RBFOX1: variants seen among roughly 807,000 people sequenced by gnomAD.
RBFOX1 encodes the protein RNA binding fox-1 homolog 1.
RBFOX1 carries 8 observed loss-of-function variants against 57.7 expected under a neutral mutation model. The ratio of observed to expected loss-of-function variants is 0.14; its 90% CI spans 0.08 to 0.25. RBFOX1 has a LOEUF of 0.25. Among genes scored for constraint, RBFOX1 ranks in the 10% least tolerant of loss-of-function variants. The probability of loss-of-function intolerance (pLI) is 1.00; values close to 1 mark genes in which losing one functional copy is unlikely to be tolerated. For missense variants in RBFOX1, 611 were observed against 548.5 expected, an observed-to-expected ratio of 1.11 and a Z score of -1.14; for synonymous variants, 326 against 222.4, an observed-to-expected ratio of 1.47 and a Z score of -4.15.
intron 2 of RBFOX1, among the ~76,000 whole-genome samples, chr16:6,511,678 G>A (rs1370724988): frequency 6.6e-6 from 1 of 152,154 alleles, no homozygotes; most frequent in Non-Finnish European, 1.5e-5. Context: ...GAAACCTTTT[G>A]CTTTATTAAA....
At chr16:5,988,940 C>G (rs181813026) in intron 4 of RBFOX1, among the ~76,000 whole-genome samples, 22 of 152,222 alleles carry the variant, frequency 1.4e-4, no homozygotes, top group Admixed American at 1.4e-3. Flanking sequence ...CAAACCCTCC[C>G]TCTGTCCTGC....
chr16:6,212,094 G>T (rs2097302278), intron 1 of RBFOX1, among the ~76,000 whole-genome samples: 1 of 152,078 alleles, frequency 6.6e-6, no homozygotes, highest in South Asian at 2.1e-4. Context: ...TTGGCCTCAA[G>T]TGATCTGCCA....
chr16:7,245,619 A>T (rs868230929), intron 4 of RBFOX1, among the ~76,000 whole-genome samples: 11 of 152,216 alleles, frequency 7.2e-5, no homozygotes, highest in African/African-American at 2.7e-4. Context: ...ACTTTTGGAG[A>T]GCTAGAGAAA....
chr16:6,676,673 C>CTTTTTTTTTTTTTTTTTTTTTTTTTTTTT (rs756578276), intron 3 of RBFOX1, among the ~76,000 whole-genome samples: 3 of 103,550 alleles, frequency 2.9e-5, no homozygotes, highest in Non-Finnish European at 3.8e-5. Flanking sequence ...TTTTTCTTTT[C>CTTTTTTTTTTTTTTTTTTTTTTTTTTTTT]TTTTTTTTTT....
rs116060375 is a variant in RBFOX1, at chr16:6,226,161, A to C, written c.-126-90834A>C. Among the ~76,000 whole-genome samples, 1,118 of 148,778 alleles carry C rather than the reference A, an allele frequency of 7.5e-3. 13 individuals carry two copies. Among genetic ancestry groups the C allele is most frequent in the African/African-American group, 0.026 (1,063 of 40,216 alleles). On this transcript the variant is annotated intron_variant, in intron 1 of 15. Coordinates refer to ENST00000550418, the MANE Select transcript of RBFOX1 (RefSeq NM_018723.4). ...GATCACCTGAGGTCAGGAATTCGAG[A>C]CCAGCCTGCAACATGGTGAAACCCA...
intron 2 of RBFOX1, among the ~76,000 whole-genome samples, chr16:6,576,087 C>G (rs1246912147): frequency 1.3e-5 from 2 of 152,072 alleles, no homozygotes; most frequent in South Asian, 2.1e-4. Flanking sequence ...CACCTTCATA[C>G]CGCATTGTTT....
chr16:5,568,473 A>C lies in RBFOX1; in HGVS notation c.259-30429A>C, dbSNP rs181092264. Reference sequence around the variant, plus strand: ...CTTTCCTGTATTTTTTGGTAATTTCACCATCAGTGTTCGTCAAGATGGAGC... The same window carrying C: ...CTTTCCTGTATTTTTTGGTAATTTCCCCATCAGTGTTCGTCAAGATGGAGC... On this transcript the variant is annotated intron_variant, in intron 2 of 2. Coordinates refer to the RBFOX1 transcript ENST00000585867. Among the ~76,000 whole-genome samples, 15 of 151,962 alleles carry C rather than the reference A, an allele frequency of 9.9e-5. No individual in the cohort carries two copies. In the East Asian group the frequency reaches 2.3e-3, roughly 24 times the overall value.
At chr16:6,712,007 C>A (rs776102688) in intron 3 of RBFOX1, among the ~76,000 whole-genome samples, 6 of 152,128 alleles carry the variant, frequency 3.9e-5, no homozygotes, top group Non-Finnish European at 5.9e-5. Flanking sequence ...TTTGTTATCT[C>A]GCTCTCTTTC....
At chr16:5,399,744 AAAT>A (rs199690646) in intron 1 of RBFOX1, among the ~76,000 whole-genome samples, 7,801 of 151,840 alleles carry the variant, frequency 0.051, 279 homozygotes, top group East Asian at 0.11. Flanking sequence ...AAAAAAAAAA[AAAT>A]TTTTTTTTTT....
At chr16:5,890,028 C>T (rs944822616) in intron 4 of RBFOX1, among the ~76,000 whole-genome samples, 1 of 152,160 alleles carries the variant, frequency 6.6e-6, no homozygotes, top group African/African-American at 2.4e-5. Flanking sequence ...GGACATGACA[C>T]ACGGGGTGTG....
chr16:6,189,352 T>G lies in RBFOX1; in HGVS notation c.-126-127643T>G, dbSNP rs538031238. On this transcript the variant is annotated intron_variant, in intron 1 of 15. Transcript: ENST00000550418. ...TCCCGGAGTGCATTCAAGAGTCTAG[T>G]GCGCGCTGGTTCACAGGTGTCTCTT... Among the ~76,000 whole-genome samples, 5 of 152,330 alleles carry G rather than the reference T, an allele frequency of 3.3e-5. No individual in the cohort carries two copies. In the East Asian group the frequency reaches 9.7e-4, roughly 29 times the overall value.
At chr16:6,925,568 C>G (rs775713701) in intron 3 of RBFOX1, among the ~76,000 whole-genome samples, 1 of 151,844 alleles carries the variant, frequency 6.6e-6, no homozygotes, top group Non-Finnish European at 1.5e-5. Flanking sequence ...ATAGCTCTAG[C>G]ATTAAGACTA....
chr16:5,454,755 T>TTTTCTTTCTTTCTC (rs1555523988), intron 1 of RBFOX1, among the ~76,000 whole-genome samples: 2 of 62,880 alleles, frequency 3.2e-5, no homozygotes, highest in African/African-American at 1.2e-4. Context: ...TTTTCTTTTC[T>TTTTCTTTCTTTCTC]TTTCTTTCTT....
In RBFOX1 at chr16:5,430,213, C is replaced by G. The variant is rs75759045; in HGVS notation, c.220-37003C>G. Among the ~76,000 whole-genome samples the G allele has an allele frequency of 2.6e-5, 4 of 152,254 alleles. No individual in the cohort carries two copies. In the East Asian group the frequency reaches 7.8e-4, roughly 30 times the overall value. On this transcript the variant is annotated intron_variant, in intron 1 of 2. Transcript: ENST00000585867. ...GGTCGATGGCAAGCAGATAATGACA[C>G]AGCTAATTACAGCTGTGGCCATTGC...
chr16:6,069,228 G>A (rs920927968), intron 1 of RBFOX1, among the ~76,000 whole-genome samples: 5 of 151,844 alleles, frequency 3.3e-5, no homozygotes, highest in Admixed American at 6.6e-5. Flanking sequence ...GAGAAACCCC[G>A]TTTCTACCAA....
At chr16:6,032,135 T>C (rs149947054) in intron 1 of RBFOX1, among the ~76,000 whole-genome samples, 60 of 152,238 alleles carry the variant, frequency 3.9e-4, no homozygotes, top group African/African-American at 1.3e-3. Context: ...ATCCTCCTCT[T>C]TTATCCGTGC....
intron 1 of RBFOX1, among the ~76,000 whole-genome samples, chr16:6,195,950 A>T (rs1055648782): frequency 1.3e-5 from 2 of 152,194 alleles, no homozygotes; most frequent in African/African-American, 4.8e-5. Context: ...TGGGAAATAG[A>T]TTGGGTGGAA....
At chr16:6,219,735 C>G (rs2097359605) in intron 1 of RBFOX1, among the ~76,000 whole-genome samples, 1 of 151,880 alleles carries the variant, frequency 6.6e-6, no homozygotes, top group South Asian at 2.1e-4. Flanking sequence ...AATTAGCCAG[C>G]TGTGGTGTTG....
chr16:5,596,777 G>A (rs1009051557), intron 2 of RBFOX1, among the ~76,000 whole-genome samples: 8 of 152,228 alleles, frequency 5.3e-5, no homozygotes, highest in African/African-American at 1.9e-4. Flanking sequence ...AAGGAGAATT[G>A]ACGCATCTGG....
Sources: allele counts gnomAD v4.1 joint callset (sites outside exome capture counted in the v4.1 genomes callset), GRCh38; gene constraint gnomAD v4.1.1; transcripts MANE v1.5; gene names NCBI Gene and HGNC (gene_info 2026-07-23, HGNC 2026-07-21).